CCNJ: variants seen among roughly 807,000 people sequenced by gnomAD.
CCNJ encodes the protein cyclin J.
A neutral mutation model predicts 41.4 loss-of-function variants in CCNJ; 12 were observed. The ratio of observed to expected loss-of-function variants is 0.29; its 90% confidence interval spans 0.19 to 0.47. The LOEUF (loss-of-function observed/expected upper bound fraction) is 0.47, where lower values mean the gene tolerates loss of function less well. CCNJ is among the 20% of genes least tolerant of loss of function. The pLI is 1.00. For synonymous variants in CCNJ, 161 were observed against 173.4 expected (o/e 0.93, Z 0.56); for missense variants, 340 against 464.6 (o/e 0.73, Z 2.47).
chr10:96,056,849 C>T lies in CCNJ; in HGVS notation c.429C>T (p.Cys143=). 3 of 1,614,166 alleles carry T rather than the reference C, an allele frequency of 1.9e-6. No homozygotes were observed. The highest frequency in any genetic ancestry group is 1.1e-5 in the South Asian group (1 of 91,084). The change falls in exon 4 of 6, where the codon TGC becomes TGT. Residue 143 remains cysteine (C), a synonymous_variant. Coordinates refer to ENST00000465148, the MANE Select transcript of CCNJ (RefSeq NM_001134375.2). ...TAGAAACCTTTCAGTGGAACCTCTGCCTTCCAACAGCCGCCCATTTCATTG... is the reference window on the plus strand; with the variant it reads ...TAGAAACCTTTCAGTGGAACCTCTGTCTTCCAACAGCCGCCCATTTCATTG... ...LLLETFQWNL[C]LPTAAHFIEY... is the part of the protein sequence containing the mutation.
At chr10:96,054,491 T>C (rs2080624016) in intron 3 of CCNJ, among the ~76,000 whole-genome samples, 1 of 152,240 alleles carries the variant, frequency 6.6e-6, no homozygotes, top group African/African-American at 2.4e-5. Flanking sequence ...TGGTTATTTA[T>C]TCAGAATCAG....
chr10:96,056,080 C>G (rs187611876), intron 3 of CCNJ, among the ~76,000 whole-genome samples: 1 of 152,154 alleles, frequency 6.6e-6, no homozygotes, highest in African/African-American at 2.4e-5. Flanking sequence ...GAGGCCGAGG[C>G]AGGCAGATCA....
At chr10:96,048,776 A>G (rs2080436598) in intron 2 of CCNJ, among the ~76,000 whole-genome samples, 2 of 152,354 alleles carry the variant, frequency 1.3e-5, no homozygotes, top group Middle Eastern at 3.4e-3. Context: ...CTAAGGCTGA[A>G]TAATACTCCA....
intron 3 of CCNJ, among the ~76,000 whole-genome samples, chr10:96,052,159 A>T (rs2080545318): frequency 6.6e-6 from 1 of 152,196 alleles, no homozygotes; most frequent in South Asian, 2.1e-4. Flanking sequence ...TTTAGCCTCT[A>T]ATTAAAGTTT....
At chr10:96,044,754 T>C (rs900493998) in intron 2 of CCNJ, among the ~76,000 whole-genome samples, 25 of 152,348 alleles carry the variant, frequency 1.6e-4, no homozygotes, top group African/African-American at 5.8e-4. Context: ...TTAAAAGATA[T>C]ATACACTGAA....
intron 4 of CCNJ, 26 bp from the exon 5 acceptor site, chr10:96,057,062 T>C: frequency 6.2e-7 from 1 of 1,613,948 alleles, no homozygotes; most frequent in South Asian, 1.1e-5. Flanking sequence ...TTCTGTTCCT[T>C]AAGTTCATTT....
Position 96,060,313 on chromosome 10 carries a change from T to C in CCNJ, c.*2072T>C, listed in dbSNP as rs1483480379. 1.3e-5 allele frequency: 2 copies of C among 152,642 alleles called. No homozygotes were observed. Among genetic ancestry groups the C allele is most frequent in the Admixed American group, 6.5e-5 (1 of 15,284 alleles). The allele number at this position is 152,642 out of a possible 1,614,324, so 9.5% of individuals were successfully genotyped here. On this transcript the variant is annotated 3_prime_UTR_variant, in exon 6 of 6. Transcript: ENST00000465148. Reference sequence around the variant, plus strand: ...AACTTAATGTCTTGTCAAATACTTTTATTGATTGGTTTATATGCCATTCTT... The same window carrying C: ...AACTTAATGTCTTGTCAAATACTTTCATTGATTGGTTTATATGCCATTCTT...
At chr10:96,046,647 G>A (rs944385388) in intron 2 of CCNJ, among the ~76,000 whole-genome samples, 11 of 152,166 alleles carry the variant, frequency 7.2e-5, no homozygotes, top group Non-Finnish European at 4.4e-5. Context: ...TTGAGATACT[G>A]CAGAAGGTAT....
chr10:96,058,106 T>C lies in CCNJ; in HGVS notation c.1017T>C (p.Leu339=). ...GCTTCCAAACTAGTGTTCAGGGCCTTGGGCACATGCAGACTGGTGTTGGGA... is the reference window on the plus strand; with the variant it reads ...GCTTCCAAACTAGTGTTCAGGGCCTCGGGCACATGCAGACTGGTGTTGGGA... ...PAGFQTSVQG[L]GHMQTGVGMS... The change falls in exon 6 of 6, where the codon CTT becomes CTC. Residue 339 remains leucine, a synonymous_variant. Coordinates refer to ENST00000465148, the MANE Select transcript of CCNJ (RefSeq NM_001134375.2). The C allele has an allele frequency of 6.2e-7, 1 of 1,614,190 alleles. No homozygotes were observed. Among genetic ancestry groups the C allele is most frequent in the Non-Finnish European group, 8.5e-7 (1 of 1,180,034 alleles).
Position 96,058,167 on chromosome 10 carries a change from CTGAG to C in CCNJ, c.1081_1084del (p.Ser361PhefsTer9). Reference sequence around the variant, plus strand: ...AATACCAGTAGAAGTTAAGCCCTGTCTGAGTGTTTCTTACAACCGGAGTTATCAG... The same window carrying C: ...AATACCAGTAGAAGTTAAGCCCTGTCTGTTTCTTACAACCGGAGTTATCAG... On this transcript the variant is annotated frameshift_variant, in exon 6 of 6. Coordinates refer to ENST00000465148, the MANE Select transcript of CCNJ (RefSeq NM_001134375.2). LOFTEE classifies it high-confidence loss of function. 1.2e-6 allele frequency: 2 copies of C among 1,614,120 alleles called. No individual in the cohort carries two copies. Among genetic ancestry groups the C allele is most frequent in the Non-Finnish European group, 8.5e-7 (1 of 1,179,962 alleles).
At chr10:96,046,757 A>G (rs2080375427) in intron 2 of CCNJ, among the ~76,000 whole-genome samples, 1 of 152,220 alleles carries the variant, frequency 6.6e-6, no homozygotes, top group African/African-American at 2.4e-5. Context: ...AATCATGCCA[A>G]CTATCCACTC....
intron 3 of CCNJ, among the ~76,000 whole-genome samples, chr10:96,050,729 T>TA (rs2080498503): frequency 6.6e-6 from 1 of 152,186 alleles, no homozygotes; most frequent in Non-Finnish European, 1.5e-5. Flanking sequence ...ACATAATGGG[T>TA]ACTGGGTATT....
At chr10:96,043,424 A>AGCCGCCGC (rs1210099702), upstream of CCNJ, 4 of 373,760 alleles carry the variant, frequency 1.1e-5, no homozygotes, top group Non-Finnish European at 1.4e-5. Flanking sequence ...CCCAGGCGGG[A>AGCCGCCGC]GCCGCCGCGC....
intron 5 of CCNJ, 82 bp from the exon 6 acceptor site, chr10:96,057,748 G>A: frequency 7.7e-7 from 1 of 1,299,884 alleles, no homozygotes; most frequent in East Asian, 2.4e-5. Context: ...AGAAGCTGTT[G>A]AGTTGGGGAT....
intron 2 of CCNJ, among the ~76,000 whole-genome samples, chr10:96,047,396 C>A (rs1367214557): frequency 6.6e-6 from 1 of 152,160 alleles, no homozygotes; most frequent in Non-Finnish European, 1.5e-5. Flanking sequence ...CCTGTAATCT[C>A]AACACTTTGG....
intron 3 of CCNJ, among the ~76,000 whole-genome samples, chr10:96,054,007 C>T (rs376601509): frequency 3.9e-5 from 6 of 152,066 alleles, no homozygotes; most frequent in East Asian, 1.9e-4. Context: ...ACATCTGATC[C>T]GTGCCCTATT....
At chr10:96,048,579 T>C (rs61858614) in intron 2 of CCNJ, among the ~76,000 whole-genome samples, 7,580 of 152,314 alleles carry the variant, frequency 0.05, 261 homozygotes, top group Middle Eastern at 0.085. Context: ...TCCATACCCA[T>C]TGAACGATTA....
chr10:96,043,425 G>T, upstream of CCNJ: 1 of 374,152 alleles, frequency 2.7e-6, no homozygotes. Flanking sequence ...CCAGGCGGGA[G>T]CCGCCGCGCC....
chr10:96,058,217 T>C lies in CCNJ; in HGVS notation c.1128T>C (p.Cys376=). 6.2e-7 allele frequency: 1 copy of C among 1,612,980 alleles called. No homozygotes were observed. Among genetic ancestry groups the C allele is most frequent in the South Asian group, 1.1e-5 (1 of 91,062 alleles). ...RSYQINEHYP[C]ITPCFER ...ATCAGATAAATGAACATTACCCTTG[T>C]ATTACTCCATGTTTTGAAAGGTGAT... Residue 376 remains cysteine (C), a synonymous_variant, in exon 6 of 6, where the codon TGT becomes TGC. Coordinates refer to ENST00000465148, the MANE Select transcript of CCNJ (RefSeq NM_001134375.2).
Sources: gnomAD v4.1 joint callset for allele counts (sites outside exome capture counted in the v4.1 genomes callset) on GRCh38, gnomAD v4.1.1 for gene constraint, MANE v1.5 for transcripts, NCBI Gene and HGNC (gene_info 2026-07-23, HGNC 2026-07-21) for gene names.